The following HDAC9 variants were observed in gnomAD, a reference collection of about 807,000 sequenced individuals.
HDAC9 encodes the protein MEF-2 interacting transcription repressor (MITR) protein.
HDAC9 carries 41 observed loss-of-function variants against 139.4 expected under a neutral mutation model. That is an observed-to-expected ratio of 0.29 (90% CI 0.23 to 0.38). The LOEUF (loss-of-function observed/expected upper bound fraction) is 0.38. HDAC9 is among the 10% of genes least tolerant of loss of function. HDAC9 has a pLI of 1.00. For synonymous variants in HDAC9, 517 were observed against 476.2 expected (o/e 1.09, Z -1.12); for missense variants, 1,147 against 1,297.0 (o/e 0.88, Z 1.78).
intron 11 of HDAC9, among the ~76,000 whole-genome samples, chr7:18,652,988 G>A (rs369067526): frequency 1.9e-4 from 29 of 152,072 alleles, no homozygotes; most frequent in African/African-American, 6.8e-4. Context: ...TGTAATCCCA[G>A]CACTCTGGGA....
chr7:18,873,757 C>A (rs7794241), intron 21 of HDAC9, among the ~76,000 whole-genome samples: 58,831 of 151,818 alleles, frequency 0.39, 11,546 homozygotes, highest in South Asian at 0.52. Flanking sequence ...CAGTTGCATT[C>A]ATTAGTCATT....
At chr7:18,384,783 G>A (rs1785763467) in intron 1 of HDAC9, among the ~76,000 whole-genome samples, 1 of 151,630 alleles carries the variant, frequency 6.6e-6, no homozygotes, top group African/African-American at 2.4e-5. Flanking sequence ...AAAAAAAAAA[G>A]GTTAAGTTCA....
intron 16 of HDAC9, among the ~76,000 whole-genome samples, chr7:18,769,570 G>C (rs1224000969): frequency 6.6e-6 from 1 of 152,076 alleles, no homozygotes; most frequent in East Asian, 1.9e-4. Context: ...GTGTGTGTGT[G>C]TGCAAGTTTG....
chr7:18,455,171 T>G (rs1001046430), intron 1 of HDAC9, among the ~76,000 whole-genome samples: 5 of 152,168 alleles, frequency 3.3e-5, no homozygotes, highest in Non-Finnish European at 7.4e-5. Context: ...ATCTTCCTGT[T>G]TGCTCTAAGA....
intron 24 of HDAC9, among the ~76,000 whole-genome samples, chr7:18,972,800 A>G (rs1191777690): frequency 1.3e-5 from 2 of 152,238 alleles, no homozygotes; most frequent in Non-Finnish European, 2.9e-5. Flanking sequence ...AATTAAGAGT[A>G]GAGTGAACTA....
At chr7:18,240,679 C>G (rs940795296) in intron 2 of HDAC9, among the ~76,000 whole-genome samples, 1 of 152,110 alleles carries the variant, frequency 6.6e-6, no homozygotes, top group African/African-American at 2.4e-5. Context: ...CAGTGGCTTC[C>G]CATCTTATCA....
intron 16 of HDAC9, among the ~76,000 whole-genome samples, chr7:18,780,644 C>T (rs572431216): frequency 6.6e-6 from 1 of 152,026 alleles, no homozygotes; most frequent in Non-Finnish European, 1.5e-5. Flanking sequence ...GGATGTATTG[C>T]AGGGCCCAAA....
At chr7:18,490,804 A>G (rs1012878004), upstream of HDAC9, among the ~76,000 whole-genome samples, 1 of 151,918 alleles carries the variant, frequency 6.6e-6, no homozygotes, top group Non-Finnish European at 1.5e-5. Context: ...AGTTTGAGGA[A>G]TGTGAGGTTG....
chr7:18,487,044 A>AG (rs1399278078), intron 1 of HDAC9, among the ~76,000 whole-genome samples: 2 of 152,124 alleles, frequency 1.3e-5, no homozygotes, highest in Non-Finnish European at 2.9e-5. Flanking sequence ...ATGGTGCACC[A>AG]GCAAGGGCTT....
At chr7:18,838,044 A>G (rs1421770143) in intron 21 of HDAC9, among the ~76,000 whole-genome samples, 1 of 152,026 alleles carries the variant, frequency 6.6e-6, no homozygotes, top group Non-Finnish European at 1.5e-5. Flanking sequence ...TTATTTAAGA[A>G]CCAGATTTAA....
chr7:18,985,542 G>C (rs1483071923), intron 25 of HDAC9, among the ~76,000 whole-genome samples: 2 of 151,892 alleles, frequency 1.3e-5, no homozygotes, highest in Non-Finnish European at 1.5e-5. Flanking sequence ...GTGTGCGTGT[G>C]TCTTTAGAGC....
At chr7:18,392,917 G>A (rs1282760232) in intron 1 of HDAC9, among the ~76,000 whole-genome samples, 2 of 91,926 alleles carry the variant, frequency 2.2e-5, no homozygotes, top group East Asian at 2.9e-4. Context: ...GGCCATGACT[G>A]GCAAAAAAAA....
intron 1 of HDAC9, among the ~76,000 whole-genome samples, chr7:18,441,961 A>G (rs1791815172): frequency 6.6e-6 from 1 of 152,008 alleles, no homozygotes; most frequent in South Asian, 2.1e-4. Flanking sequence ...TAGTAGAGAC[A>G]GGGTTTCACT....
chr7:18,973,149 G>A (rs1185662145), intron 24 of HDAC9, among the ~76,000 whole-genome samples: 1 of 152,108 alleles, frequency 6.6e-6, no homozygotes, highest in Non-Finnish European at 1.5e-5. Context: ...GTTGTCACCA[G>A]GGTTAAATAA....
Position 18,108,041 on chromosome 7 carries a change from G to A in HDAC9, c.-97+20828G>A, listed in dbSNP as rs182794020. 2.6e-5 allele frequency among the ~76,000 whole-genome samples: 4 copies of A among 152,276 alleles called. No homozygotes were observed. In the East Asian group the frequency reaches 7.7e-4, roughly 29 times the overall value. ...TGTATTAAGCAAGTTACTGACTTGA[G>A]CAACTGAAATTTTAATTCTTTCGGG... On this transcript the variant is annotated intron_variant, in intron 1 of 12. Coordinates refer to the HDAC9 transcript ENST00000417496.
chr7:18,312,957 T>A (rs779109398), intron 1 of HDAC9, among the ~76,000 whole-genome samples: 1 of 152,148 alleles, frequency 6.6e-6, no homozygotes, highest in African/African-American at 2.4e-5. Context: ...AGCTACTTTA[T>A]TCTCCATAGC....
intron 2 of HDAC9, among the ~76,000 whole-genome samples, chr7:18,521,859 C>G (rs1022463612): frequency 6.6e-6 from 1 of 152,018 alleles, no homozygotes; most frequent in Non-Finnish European, 1.5e-5. Context: ...GTTAGCTGGA[C>G]CTTTACAGCA....
intron 21 of HDAC9, among the ~76,000 whole-genome samples, chr7:18,867,807 G>T (rs1162845850): frequency 1.3e-5 from 2 of 151,964 alleles, no homozygotes; most frequent in African/African-American, 4.8e-5. Flanking sequence ...TTAAATATAG[G>T]ACTTCTGCAA....
At chr7:18,267,537 A>G (rs1314175374) in intron 2 of HDAC9, among the ~76,000 whole-genome samples, 2 of 152,108 alleles carry the variant, frequency 1.3e-5, no homozygotes, top group East Asian at 3.8e-4. Context: ...AAGTGAGATC[A>G]TGCAGTATTT....
Sources: gnomAD v4.1 joint callset for allele counts (sites outside exome capture counted in the v4.1 genomes callset) on GRCh38, gnomAD v4.1.1 for gene constraint, MANE v1.5 for transcripts, NCBI Gene and HGNC (gene_info 2026-07-23, HGNC 2026-07-21) for gene names.